UNC13C: variants seen among roughly 807,000 people sequenced by gnomAD.
UNC13C encodes the protein unc-13 homolog C, also known as protein unc-13 homolog C.
UNC13C carries 174 observed loss-of-function variants against 245.4 expected under a neutral mutation model. The ratio of observed to expected loss-of-function variants is 0.71; its 90% confidence interval spans 0.63 to 0.80. The LOEUF (loss-of-function observed/expected upper bound fraction) is 0.80, where lower values mean the gene tolerates loss of function less well. Among genes scored for constraint, UNC13C ranks in the 30% least tolerant of loss-of-function variants. The pLI is 0.00. For synonymous variants in UNC13C, 992 were observed against 895.1 expected (o/e 1.11, Z -1.93); for missense variants, 2,829 against 2,602.9 (o/e 1.09, Z -1.89).
intron 17 of UNC13C, among the ~76,000 whole-genome samples, chr15:54,357,605 G>A (rs894537200): frequency 1.8e-4 from 27 of 152,000 alleles, no homozygotes; most frequent in South Asian, 2.1e-4. Flanking sequence ...CAGCATATGC[G>A]TATATTAAAA....
intron 19 of UNC13C, among the ~76,000 whole-genome samples, chr15:54,475,272 G>A (rs11071080): frequency 0.46 from 66,329 of 145,768 alleles, 15,062 homozygotes; most frequent in East Asian, 0.72. Flanking sequence ...AGAGGGGTAT[G>A]GTTTTTTGTT....
At chr15:54,076,031 A>T (rs1203265261) in intron 2 of UNC13C, among the ~76,000 whole-genome samples, 1 of 145,514 alleles carries the variant, frequency 6.9e-6, no homozygotes, top group Non-Finnish European at 1.5e-5. Context: ...CTAGAGTTCT[A>T]GGTCACCTCT....
chr15:54,569,669 A>C (rs1897666598), intron 30 of UNC13C, among the ~76,000 whole-genome samples: 1 of 152,060 alleles, frequency 6.6e-6, no homozygotes, highest in Non-Finnish European at 1.5e-5. Flanking sequence ...TACATGTATT[A>C]TATGAAAACA....
chr15:53,876,052 A>T, the UNC13C span, among the ~76,000 whole-genome samples: 1 of 152,164 alleles, frequency 6.6e-6, no homozygotes, highest in Non-Finnish European at 1.5e-5. Context: ...CCACGTAATG[A>T]TTTTTTATGC....
intron 18 of UNC13C, among the ~76,000 whole-genome samples, chr15:54,394,598 A>G (rs1407554108): frequency 2.6e-5 from 4 of 151,824 alleles, no homozygotes; most frequent in African/African-American, 9.7e-5. Flanking sequence ...GAGACCGACA[A>G]CTTGTTTCAA....
chr15:54,176,785 G>A (rs545451294), intron 4 of UNC13C, among the ~76,000 whole-genome samples: 10 of 152,178 alleles, frequency 6.6e-5, no homozygotes, highest in African/African-American at 2.4e-4. Context: ...TAATGTTAAA[G>A]TTTTGGTTCA....
chr15:54,127,305 C>G (rs1040382339), intron 2 of UNC13C, among the ~76,000 whole-genome samples: 4 of 152,162 alleles, frequency 2.6e-5, no homozygotes, highest in East Asian at 1.9e-4. Flanking sequence ...GGAACCAACC[C>G]ACATGCCCAA....
At chr15:53,843,849 G>C in the UNC13C span, among the ~76,000 whole-genome samples, 1 of 152,182 alleles carries the variant, frequency 6.6e-6, no homozygotes, top group African/African-American at 2.4e-5. Flanking sequence ...GATTTGTTGA[G>C]AGGCTCTATT....
chr15:54,344,695 C>T (rs2038819827), intron 17 of UNC13C, among the ~76,000 whole-genome samples: 1 of 152,160 alleles, frequency 6.6e-6, no homozygotes, highest in Admixed American at 6.5e-5. Context: ...CAACTCCATG[C>T]TCCTAAGAGC....
At chr15:53,971,976 C>A in the UNC13C span, among the ~76,000 whole-genome samples, 1 of 152,156 alleles carries the variant, frequency 6.6e-6, no homozygotes, top group South Asian at 2.1e-4. Context: ...AAATTACCAA[C>A]TGCAAAAATA....
intron 19 of UNC13C, among the ~76,000 whole-genome samples, chr15:54,459,063 T>C (rs994639485): frequency 6.6e-6 from 1 of 152,286 alleles, no homozygotes; most frequent in East Asian, 1.9e-4. Context: ...TAAAATTCTT[T>C]TTAACAGTTC....
chr15:54,250,350 G>C lies in UNC13C; in HGVS notation c.3354G>C (p.Leu1118=), dbSNP rs984491488. ...PTYCYECEGL[L]WGIARQGMKC... is the part of the protein sequence containing the mutation. ...ACTGTTATGAGTGTGAAGGGCTCCTGTGGGGCATTGCAAGGCAAGGCATGA... is the reference window on the plus strand; with the variant it reads ...ACTGTTATGAGTGTGAAGGGCTCCTCTGGGGCATTGCAAGGCAAGGCATGA... The change falls in exon 8 of 33, where the codon CTG becomes CTC. Residue 1118 remains leucine (L), a synonymous_variant. Coordinates refer to ENST00000260323, the MANE Select transcript of UNC13C (RefSeq NM_001080534.3). The C allele has an allele frequency of 1.1e-5, 18 of 1,613,850 alleles. No individual in the cohort carries two copies. The highest frequency in any genetic ancestry group is 1.5e-5 in the Non-Finnish European group (18 of 1,179,874).
chr15:53,899,912 G>A, the UNC13C span, among the ~76,000 whole-genome samples: 2 of 152,084 alleles, frequency 1.3e-5, no homozygotes, highest in African/African-American at 2.4e-5. Context: ...GTCTCACCCA[G>A]TTCTGCATGG....
chr15:54,429,146 A>G (rs2040815973), intron 19 of UNC13C, among the ~76,000 whole-genome samples: 1 of 151,750 alleles, frequency 6.6e-6, no homozygotes, highest in Admixed American at 6.6e-5. Flanking sequence ...TCATCATTGC[A>G]AAAAGAATCT....
At chr15:54,209,410 T>C (rs1673131795) in intron 4 of UNC13C, among the ~76,000 whole-genome samples, 1 of 144,514 alleles carries the variant, frequency 6.9e-6, no homozygotes, top group African/African-American at 2.6e-5. Flanking sequence ...TGTTTTCTTT[T>C]TGGTTTTTTG....
chr15:54,301,516 C>T (rs533430205), intron 13 of UNC13C, among the ~76,000 whole-genome samples: 1 of 152,206 alleles, frequency 6.6e-6, no homozygotes, highest in East Asian at 1.9e-4. Flanking sequence ...TCAGCTCTCA[C>T]TTTTGAGTGA....
intron 24 of UNC13C, among the ~76,000 whole-genome samples, chr15:54,520,083 T>C (rs1160163456): frequency 6.6e-6 from 1 of 152,150 alleles, no homozygotes. Flanking sequence ...ATGATCATAT[T>C]TGGGTTTATT....
At chr15:54,608,110 T>C (rs889198471) in intron 30 of UNC13C, among the ~76,000 whole-genome samples, 9 of 152,210 alleles carry the variant, frequency 5.9e-5, no homozygotes, top group African/African-American at 9.6e-5. Flanking sequence ...ACTGAAATCA[T>C]GTCTATGTAT....
At chr15:53,983,096 T>A (rs766723140) in intron 1 of UNC13C, among the ~76,000 whole-genome samples, 3 of 152,162 alleles carry the variant, frequency 2.0e-5, no homozygotes, top group Non-Finnish European at 4.4e-5. Flanking sequence ...TGTATAAGGC[T>A]CTTTACTGTG....
Sources: allele counts gnomAD v4.1 joint callset (sites outside exome capture counted in the v4.1 genomes callset), GRCh38; gene constraint gnomAD v4.1.1; transcripts MANE v1.5; gene names NCBI Gene and HGNC (gene_info 2026-07-23, HGNC 2026-07-21).